The following PCDH15 variants were observed in gnomAD, a reference collection of about 807,000 sequenced individuals.
PCDH15 encodes protocadherin-15.
Under a neutral mutation model 178.5 loss-of-function variants are expected in PCDH15, and 129 were observed. The observed-to-expected ratio is 0.72, with a 90% CI of 0.63 to 0.84. PCDH15 has a LOEUF of 0.84. Ranked by LOEUF, PCDH15 falls within the 40% of genes least tolerant of loss-of-function variation. The probability of loss-of-function intolerance (pLI) is 0.00; values close to 1 mark genes in which losing one functional copy is unlikely to be tolerated. For synonymous variants in PCDH15, 800 were observed against 732.0 expected, an observed-to-expected ratio of 1.09 and a Z score of -1.50; for missense variants, 2,230 against 2,099.9, an observed-to-expected ratio of 1.06 and a Z score of -1.21.
At chr10:54,863,386 C>T (rs995148452) in intron 3 of PCDH15, among the ~76,000 whole-genome samples, 2 of 151,960 alleles carry the variant, frequency 1.3e-5, no homozygotes, top group Non-Finnish European at 2.9e-5. Context: ...ACTAAAAATA[C>T]AAAAAATTAG....
chr10:54,402,240 C>T (rs1952022864), intron 3 of PCDH15, among the ~76,000 whole-genome samples: 1 of 151,626 alleles, frequency 6.6e-6, no homozygotes, highest in Admixed American at 6.6e-5. Flanking sequence ...ATCTGATAAG[C>T]AAAATATTTA....
intron 8 of PCDH15, among the ~76,000 whole-genome samples, chr10:54,313,579 G>A (rs1226416208): frequency 6.6e-6 from 1 of 152,074 alleles, no homozygotes; most frequent in Admixed American, 6.6e-5. Context: ...TGCATGTAGA[G>A]CTAGGACTCA....
intron 2 of PCDH15, among the ~76,000 whole-genome samples, chr10:55,583,192 T>C (rs1384071794): frequency 6.6e-6 from 1 of 152,188 alleles, no homozygotes; most frequent in Non-Finnish European, 1.5e-5. Context: ...TGCACATTAA[T>C]CACGGTGCAA....
intron 2 of PCDH15, among the ~76,000 whole-genome samples, chr10:55,584,931 G>GT (rs926428642): frequency 4.7e-5 from 7 of 149,820 alleles, no homozygotes; most frequent in Admixed American, 6.7e-5. Context: ...GTAATATATA[G>GT]TTTTTTTTTA....
intron 2 of PCDH15, chr10:54,528,470 G>A: frequency 8.2e-7 from 1 of 1,212,310 alleles, no homozygotes; most frequent in Non-Finnish European, 1.2e-6. Flanking sequence ...AAGGAAGAGA[G>A]AATATATGTA....
At chr10:54,507,738 C>T (rs111599943) in intron 3 of PCDH15, among the ~76,000 whole-genome samples, 1 of 151,932 alleles carries the variant, frequency 6.6e-6, no homozygotes, top group South Asian at 2.1e-4. Flanking sequence ...AGATCTGAAA[C>T]ATAACAATGT....
chr10:54,119,170 A>T (rs2095170282), intron 15 of PCDH15, among the ~76,000 whole-genome samples: 1 of 152,208 alleles, frequency 6.6e-6, no homozygotes, highest in Non-Finnish European at 1.5e-5. Flanking sequence ...CAGAAATGAC[A>T]GATAAATAAT....
At chr10:54,729,517 C>T (rs1020839981) in intron 1 of PCDH15, among the ~76,000 whole-genome samples, 5 of 151,574 alleles carry the variant, frequency 3.3e-5, no homozygotes, top group Admixed American at 2.0e-4. Flanking sequence ...ACTACGACTA[C>T]AAAAGCAATT....
chr10:55,237,862 T>C (rs1335435885), intron 1 of PCDH15, among the ~76,000 whole-genome samples: 1 of 152,040 alleles, frequency 6.6e-6, no homozygotes, highest in Non-Finnish European at 1.5e-5. Flanking sequence ...ACACATTATA[T>C]AAACTATTTT....
chr10:55,599,153 C>A (rs1174959806), intron 2 of PCDH15: 1 of 152,140 alleles, frequency 6.6e-6, no homozygotes, highest in East Asian at 1.9e-4. Context: ...ATAAACTTCA[C>A]AAAGAGAGCT....
intron 1 of PCDH15, among the ~76,000 whole-genome samples, chr10:55,292,428 C>G (rs1843029341): frequency 6.6e-6 from 1 of 152,130 alleles, no homozygotes; most frequent in Non-Finnish European, 1.5e-5. Flanking sequence ...GCTACCCAGG[C>G]TGGAGTGCAA....
At chr10:55,072,411 G>T (rs1244091767) in intron 2 of PCDH15, among the ~76,000 whole-genome samples, 4 of 151,834 alleles carry the variant, frequency 2.6e-5, no homozygotes, top group Non-Finnish European at 1.5e-5. Context: ...AATGATAAAG[G>T]GGATATCACC....
chr10:55,175,554 T>G lies in PCDH15; in HGVS notation c.-155-8903A>C, dbSNP rs55857088. Among the ~76,000 whole-genome samples the G allele has an allele frequency of 5.9e-3, 885 of 150,486 alleles. 9 individuals are homozygous for G. Among genetic ancestry groups the G allele is most frequent in the African/African-American group, 0.021 (863 of 41,080 alleles). On this transcript the variant is annotated intron_variant, in intron 1 of 5. Transcript: ENST00000458638. ...GGTGTGTGCCTATAATCCCAGGTAC[T>G]TGGGGGGTGGCTGGCGCAAGAGAAT...
chr10:54,135,152 G>C (rs894522854), intron 14 of PCDH15, among the ~76,000 whole-genome samples: 2 of 148,970 alleles, frequency 1.3e-5, no homozygotes, highest in African/African-American at 4.9e-5. Context: ...GTAGTGACCC[G>C]AGATCGTGCC....
At chr10:55,619,379 G>T (rs7919165) in intron 2 of PCDH15, among the ~76,000 whole-genome samples, 46,686 of 151,678 alleles carry the variant, frequency 0.31, 7,344 homozygotes, top group African/African-American at 0.39. Context: ...CTTTAGTAAC[G>T]TCAAACAAAA....
intron 2 of PCDH15, among the ~76,000 whole-genome samples, chr10:55,381,798 A>G (rs2132002064): frequency 6.6e-6 from 1 of 152,292 alleles, no homozygotes; most frequent in East Asian, 1.9e-4. Context: ...AAAGGAAAAC[A>G]AAAGCCTCTA....
At chr10:55,100,199 A>G (rs1203729517) in intron 2 of PCDH15, among the ~76,000 whole-genome samples, 1 of 152,118 alleles carries the variant, frequency 6.6e-6, no homozygotes, top group Non-Finnish European at 1.5e-5. Flanking sequence ...GTTTTATGCA[A>G]AAGTATTTAG....
chr10:54,986,549 G>T (rs2131911016), intron 2 of PCDH15, among the ~76,000 whole-genome samples: 1 of 152,200 alleles, frequency 6.6e-6, no homozygotes, highest in Non-Finnish European at 1.5e-5. Flanking sequence ...AAGATGCTAA[G>T]TTAGTAATTA....
intron 2 of PCDH15, among the ~76,000 whole-genome samples, chr10:55,357,106 G>A (rs772486934): frequency 6.6e-6 from 1 of 151,836 alleles, no homozygotes; most frequent in Non-Finnish European, 1.5e-5. Context: ...GTACAAATGT[G>A]TAAAAATAAA....
Sources: gnomAD v4.1 joint callset for allele counts (sites outside exome capture counted in the v4.1 genomes callset) on GRCh38, gnomAD v4.1.1 for gene constraint, MANE v1.5 for transcripts, NCBI Gene and HGNC (gene_info 2026-07-23, HGNC 2026-07-21) for gene names.